ANKRD17: variants seen among roughly 807,000 people sequenced by gnomAD.
The protein encoded by ANKRD17 is ankyrin repeat domain-containing protein 17.
A neutral mutation model predicts 229.7 loss-of-function variants in ANKRD17; 19 were observed. That is an observed-to-expected ratio of 0.08 (90% CI 0.06 to 0.12). The LOEUF is 0.12. Ranked by LOEUF, ANKRD17 falls within the 10% of genes least tolerant of loss-of-function variation. The pLI is 1.00. For synonymous variants in ANKRD17, 1,112 were observed against 1,146.1 expected (o/e 0.97, Z 0.60); for missense variants, 2,176 against 3,176.8 (o/e 0.68, Z 7.57).
chr4:73,150,485 G>T (rs1352453424), intron 7 of ANKRD17, among the ~76,000 whole-genome samples: 3 of 151,952 alleles, frequency 2.0e-5, no homozygotes, highest in Non-Finnish European at 4.4e-5. Context: ...TCCAGAGAAA[G>T]ATATTTTCCT....
chr4:73,208,120 C>T (rs1033109095), intron 1 of ANKRD17, among the ~76,000 whole-genome samples: 1 of 129,364 alleles, frequency 7.7e-6, no homozygotes, highest in Non-Finnish European at 1.6e-5. Flanking sequence ...GCCCGGGAGG[C>T]GGAGCTTGCA....
At chr4:73,221,827 T>C (rs1462692838) in intron 1 of ANKRD17, among the ~76,000 whole-genome samples, 1 of 152,134 alleles carries the variant, frequency 6.6e-6, no homozygotes, top group African/African-American at 2.4e-5. Flanking sequence ...AGGTAGGTAA[T>C]AAATGGAATC....
chr4:73,112,725 G>T, intron 24 of ANKRD17: 3 of 775,002 alleles, frequency 3.9e-6, no homozygotes, highest in Non-Finnish European at 4.7e-6. Flanking sequence ...AATTATCACT[G>T]CATCTCCTTT....
At position 73,142,226 on chromosome 4, in the gene ANKRD17, A is replaced by AT; in HGVS notation, c.2229+15dup. On this transcript the variant is annotated intron_variant, in intron 13 of 33. Transcript: ENST00000358602. ...AGAAGACATACCATAAAATGCTTTA[A>AT]TTTTTAAAATCTTACCCTATTTAAA... 6.5e-7 allele frequency: 1 copy of AT among 1,528,954 alleles called. No homozygotes were observed. Among genetic ancestry groups the AT allele is most frequent in the Non-Finnish European group, 8.7e-7 (1 of 1,147,896 alleles). 94.7% of individuals were successfully genotyped at this position (1,528,954 alleles called of 1,614,324 possible). A position where few individuals can be genotyped will look rare whatever the true frequency, so the allele number is the denominator to read the frequency against.
intron 30 of ANKRD17, among the ~76,000 whole-genome samples, chr4:73,083,293 C>G (rs1309842384): frequency 8.5e-5 from 13 of 152,152 alleles, no homozygotes; most frequent in Admixed American, 6.5e-4. Flanking sequence ...CTGATTAATT[C>G]TTACTGAATT....
At chr4:73,177,589 AGAG>A in intron 1 of ANKRD17, 56 bp from the exon 2 acceptor site, 1 of 1,353,022 alleles carries the variant, frequency 7.4e-7, no homozygotes, top group Non-Finnish European at 1.0e-6. Flanking sequence ...CGAAAGGAAA[AGAG>A]GGGAGAGAAA....
At chr4:73,129,644 G>C (rs911057342) in intron 16 of ANKRD17, among the ~76,000 whole-genome samples, 2 of 152,002 alleles carry the variant, frequency 1.3e-5, no homozygotes, top group Non-Finnish European at 2.9e-5. Context: ...TTGAGCCCAG[G>C]AGTTCATGGC....
intron 24 of ANKRD17, 144 bp from the exon 25 acceptor site, chr4:73,102,691 T>C (rs1219881202): frequency 2.3e-6 from 2 of 876,232 alleles, no homozygotes; most frequent in South Asian, 1.7e-5. Flanking sequence ...ATCAAGATCA[T>C]ATTCAAACCA....
intron 1 of ANKRD17, among the ~76,000 whole-genome samples, chr4:73,179,648 G>C (rs1017818655): frequency 6.7e-6 from 1 of 149,980 alleles, no homozygotes; most frequent in Non-Finnish European, 1.5e-5. Context: ...CACACACCAC[G>C]CCTGGCTGAT....
At chr4:73,103,926 C>G (rs574003994) in intron 24 of ANKRD17, 1 of 151,188 alleles carries the variant, frequency 6.6e-6, no homozygotes, top group East Asian at 2.0e-4. Context: ...GACACTCAAA[C>G]CAGCTCTCTG....
At chr4:73,248,767 T>G (rs2149276579) in intron 1 of ANKRD17, among the ~76,000 whole-genome samples, 1 of 152,134 alleles carries the variant, frequency 6.6e-6, no homozygotes, top group South Asian at 2.1e-4. Context: ...TATAATTTTT[T>G]TTCATATTCA....
chr4:73,252,308 G>T (rs1341275849), intron 1 of ANKRD17, among the ~76,000 whole-genome samples: 1 of 152,244 alleles, frequency 6.6e-6, no homozygotes. Context: ...AGAGAAAAGA[G>T]AGTAGGCATA....
At chr4:73,223,029 T>C (rs983506366) in intron 1 of ANKRD17, 5 of 1,536,032 alleles carry the variant, frequency 3.3e-6, no homozygotes, top group Non-Finnish European at 4.4e-6. Context: ...CTCCACCATG[T>C]TTTATCAAAC....
At chr4:73,089,767 A>G (rs1225038514) in intron 29 of ANKRD17, among the ~76,000 whole-genome samples, 1 of 152,176 alleles carries the variant, frequency 6.6e-6, no homozygotes, top group Non-Finnish European at 1.5e-5. Context: ...TTCTACATAT[A>G]TCAGTGTTGC....
chr4:73,098,573 T>C (rs1723574992), intron 25 of ANKRD17, 53 bp from the exon 26 acceptor site: 1 of 1,517,232 alleles, frequency 6.6e-7, no homozygotes, highest in Non-Finnish European at 9.0e-7. Flanking sequence ...CCAGAATGTA[T>C]TTAGCTATAA....
chr4:73,161,560 T>A (rs1732529598), intron 2 of ANKRD17, among the ~76,000 whole-genome samples: 1 of 152,224 alleles, frequency 6.6e-6, no homozygotes, highest in South Asian at 2.1e-4. Context: ...AGGTACTTGA[T>A]CCTGTGACCC....
chr4:73,245,848 G>C (rs1744450680), intron 1 of ANKRD17, among the ~76,000 whole-genome samples: 1 of 152,096 alleles, frequency 6.6e-6, no homozygotes, highest in Non-Finnish European at 1.5e-5. Flanking sequence ...TTTTGCTATA[G>C]TTATTGTTAC....
intron 25 of ANKRD17, among the ~76,000 whole-genome samples, chr4:73,101,426 G>A (rs1723964560): frequency 6.6e-6 from 1 of 152,158 alleles, no homozygotes; most frequent in African/African-American, 2.4e-5. Context: ...TACTTTGGGT[G>A]GCTGAGGCAG....
intron 24 of ANKRD17, among the ~76,000 whole-genome samples, chr4:73,103,741 T>A (rs1724272495): frequency 6.6e-6 from 1 of 152,160 alleles, no homozygotes; most frequent in Non-Finnish European, 1.5e-5. Flanking sequence ...ATATTTAGTT[T>A]TCATTCAAAA....
Sources: gnomAD v4.1 joint callset for allele counts (sites outside exome capture counted in the v4.1 genomes callset) on GRCh38, gnomAD v4.1.1 for gene constraint, MANE v1.5 for transcripts, NCBI Gene and HGNC (gene_info 2026-07-23, HGNC 2026-07-21) for gene names.